The following NFIB variants were observed in gnomAD, a reference collection of about 807,000 sequenced individuals.
NFIB encodes nuclear factor I B.
NFIB carries 11 observed loss-of-function variants against 61.5 expected under a neutral mutation model. The observed-to-expected ratio is 0.18, with a 90% CI of 0.11 to 0.30. The LOEUF is 0.30. Among genes scored for constraint, NFIB ranks in the 10% least tolerant of loss-of-function variants. NFIB has a pLI of 1.00. For synonymous variants in NFIB, 260 were observed against 216.5 expected (o/e 1.20, Z -1.76); for missense variants, 471 against 608.9 (o/e 0.77, Z 2.38).
intron 4 of NFIB, among the ~76,000 whole-genome samples, chr9:14,152,214 G>A (rs968216392): frequency 6.6e-6 from 1 of 152,012 alleles, no homozygotes. Context: ...CTGATAGATT[G>A]TTCATGTTAT....
At chr9:14,331,142 T>A (rs965164291) in intron 1 of NFIB, among the ~76,000 whole-genome samples, 2 of 152,198 alleles carry the variant, frequency 1.3e-5, no homozygotes, top group African/African-American at 4.8e-5. Context: ...TAATAATTAC[T>A]ATTTACTGAG....
chr9:14,397,421 A>T (rs1475458101), intron 1 of NFIB, among the ~76,000 whole-genome samples: 1 of 152,228 alleles, frequency 6.6e-6, no homozygotes, highest in Non-Finnish European at 1.5e-5. Flanking sequence ...AGCAAATATA[A>T]TAACTAAGTG....
intron 1 of NFIB, among the ~76,000 whole-genome samples, chr9:14,345,690 T>G (rs1407378969): frequency 6.6e-6 from 1 of 152,142 alleles, no homozygotes; most frequent in Admixed American, 6.6e-5. Context: ...CTGCCCCATC[T>G]CCGTGGAGTT....
At chr9:14,290,421 G>A (rs566091589) in intron 2 of NFIB, among the ~76,000 whole-genome samples, 28 of 152,104 alleles carry the variant, frequency 1.8e-4, no homozygotes, top group African/African-American at 6.7e-4. Flanking sequence ...AATACGGCAG[G>A]TGCGGCGGTA....
At chr9:14,311,302 A>C (rs1285700403) in intron 1 of NFIB, among the ~76,000 whole-genome samples, 1 of 152,156 alleles carries the variant, frequency 6.6e-6, no homozygotes, top group Non-Finnish European at 1.5e-5. Context: ...TGCAATTTAC[A>C]TGTCCTGAGA....
chr9:14,166,391 C>T (rs1385821104), intron 3 of NFIB, among the ~76,000 whole-genome samples: 1 of 152,096 alleles, frequency 6.6e-6, no homozygotes, highest in Non-Finnish European at 1.5e-5. Flanking sequence ...GAGTGAAAAA[C>T]AATGTTTTTT....
intron 2 of NFIB, among the ~76,000 whole-genome samples, chr9:14,183,390 T>C (rs1013583866): frequency 6.6e-6 from 1 of 151,608 alleles, no homozygotes; most frequent in Non-Finnish European, 1.5e-5. Context: ...CTGGGTCTGG[T>C]GTCTGGGAAA....
intron 9 of NFIB, among the ~76,000 whole-genome samples, chr9:14,114,986 G>C (rs1044036462): frequency 6.6e-6 from 1 of 152,170 alleles, no homozygotes; most frequent in African/African-American, 2.4e-5. Context: ...AGTTTTTCCT[G>C]AGTAGGTCGC....
the NFIB span, among the ~76,000 whole-genome samples, chr9:14,430,597 T>G: frequency 1.4e-5 from 2 of 144,658 alleles, no homozygotes. Flanking sequence ...TATTTATTTA[T>G]TTGAGACACA....
At chr9:14,409,654 T>C in the NFIB span, among the ~76,000 whole-genome samples, 1 of 152,174 alleles carries the variant, frequency 6.6e-6, no homozygotes, top group East Asian at 1.9e-4. Context: ...TTCCCCACTT[T>C]TGCTGAAAAA....
At chr9:14,203,705 G>C (rs2049311568) in intron 2 of NFIB, among the ~76,000 whole-genome samples, 1 of 152,216 alleles carries the variant, frequency 6.6e-6, no homozygotes, top group African/African-American at 2.4e-5. Context: ...CTCACAGGAA[G>C]TCAAAATGTG....
rs1291037418 is a variant in NFIB at position 14,150,331 on chromosome 9, T to C, written c.686-66A>G. ...ATTTCTGACCTCTATTCAAATGTAA[T>C]AATCGAGAATCTTTCATGCCTCTGG... On this transcript the variant is annotated intron_variant, in intron 4 of 10. Transcript: ENST00000380953. 2.5e-6 allele frequency: 4 copies of C among 1,603,352 alleles called. No individual in the cohort carries two copies. In the African/African-American group the frequency reaches 5.4e-5, roughly 22 times the overall value.
chr9:14,522,740 G>T, the NFIB span, among the ~76,000 whole-genome samples: 35 of 152,304 alleles, frequency 2.3e-4, no homozygotes, highest in African/African-American at 7.9e-4. Context: ...CCAAACTGGA[G>T]AAATGAAAGT....
the NFIB span, among the ~76,000 whole-genome samples, chr9:14,405,259 C>G: frequency 6.6e-6 from 1 of 152,186 alleles, no homozygotes; most frequent in African/African-American, 2.4e-5. Flanking sequence ...AGCAGAGCCT[C>G]CTCACCAATT....
At chr9:14,517,978 T>A in the NFIB span, among the ~76,000 whole-genome samples, 1 of 152,210 alleles carries the variant, frequency 6.6e-6, no homozygotes, top group Non-Finnish European at 1.5e-5. Context: ...AACAAAAGAC[T>A]TATTGCATTG....
chr9:14,444,090 T>A, the NFIB span, among the ~76,000 whole-genome samples: 1 of 152,342 alleles, frequency 6.6e-6, no homozygotes, highest in East Asian at 1.9e-4. Flanking sequence ...ATGATTTTCA[T>A]GGCCCTAATC....
chr9:14,442,832 AGCT>A, the NFIB span, among the ~76,000 whole-genome samples: 9 of 152,134 alleles, frequency 5.9e-5, no homozygotes, highest in African/African-American at 1.9e-4. Flanking sequence ...ATAAACCATG[AGCT>A]GCTATTTTTA....
intron 6 of NFIB, among the ~76,000 whole-genome samples, chr9:14,139,632 A>G (rs991721330): frequency 6.6e-6 from 1 of 152,200 alleles, no homozygotes; most frequent in Non-Finnish European, 1.5e-5. Flanking sequence ...CAGAAATATG[A>G]GCACGACTTT....
chr9:14,518,261 G>T, the NFIB span, among the ~76,000 whole-genome samples: 1 of 152,116 alleles, frequency 6.6e-6, no homozygotes, highest in Non-Finnish European at 1.5e-5. Context: ...TGTGTTTTGG[G>T]GCAAAGTAGG....
Sources: gnomAD v4.1 joint callset for allele counts (sites outside exome capture counted in the v4.1 genomes callset) on GRCh38, gnomAD v4.1.1 for gene constraint, MANE v1.5 for transcripts, NCBI Gene and HGNC (gene_info 2026-07-23, HGNC 2026-07-21) for gene names.